Variants in MACROD2 observed in about 807,000 individuals in gnomAD.
MACROD2 encodes mono-ADP ribosylhydrolase 2, also known as ADP-ribose glycohydrolase MACROD2.
In MACROD2, 36 loss-of-function variants were observed where a neutral mutation model predicts 70.4. The ratio of observed to expected loss-of-function variants is 0.51; its 90% CI spans 0.39 to 0.68. MACROD2 has a LOEUF of 0.68. MACROD2 is among the 30% of genes least tolerant of loss of function. The probability of loss-of-function intolerance (pLI) is 0.00; values close to 1 mark genes in which losing one functional copy is unlikely to be tolerated. For synonymous variants in MACROD2, 172 were observed against 178.8 expected (o/e 0.96, Z 0.30); for missense variants, 496 against 538.4 (o/e 0.92, Z 0.78).
intron 4 of MACROD2, among the ~76,000 whole-genome samples, chr20:14,534,962 T>C (rs1054226915): frequency 6.6e-6 from 1 of 152,148 alleles, no homozygotes. Flanking sequence ...TTAGGGACAA[T>C]AGATGAAAGA....
At chr20:14,629,147 T>TTGTGTGTGTGTGTGTGTGG (rs1984363280) in intron 4 of MACROD2, among the ~76,000 whole-genome samples, 1 of 150,806 alleles carries the variant, frequency 6.6e-6, no homozygotes, top group African/African-American at 2.4e-5. Context: ...TAGAGGACTT[T>TTGTGTGTGTGTGTGTGTGG]TGTGTGTGTG....
At chr20:14,240,141 C>T (rs1039215113) in intron 3 of MACROD2, among the ~76,000 whole-genome samples, 1 of 152,062 alleles carries the variant, frequency 6.6e-6, no homozygotes, top group Non-Finnish European at 1.5e-5. Context: ...AATGAGATAC[C>T]ATCTTATACC....
intron 8 of MACROD2, among the ~76,000 whole-genome samples, chr20:15,625,847 C>T (rs185243889): frequency 1.0e-4 from 15 of 143,440 alleles, no homozygotes; most frequent in South Asian, 2.2e-4. Context: ...CTCTCCTTAC[C>T]GCTTTGAGCA....
At chr20:15,134,201 G>A (rs372342222) in intron 5 of MACROD2, among the ~76,000 whole-genome samples, 11 of 140,976 alleles carry the variant, frequency 7.8e-5, no homozygotes, top group Non-Finnish European at 1.5e-4. Context: ...CACCGTGCCC[G>A]GCTCTTTTAA....
intron 4 of MACROD2, among the ~76,000 whole-genome samples, chr20:14,555,729 T>C (rs77172257): frequency 0.11 from 16,106 of 152,084 alleles, 1,275 homozygotes; most frequent in South Asian, 0.33. Flanking sequence ...ATGGACACTT[T>C]CTGTTAGGTA....
chr20:15,607,692 C>T (rs2048913065), intron 8 of MACROD2, among the ~76,000 whole-genome samples: 1 of 152,154 alleles, frequency 6.6e-6, no homozygotes, highest in African/African-American at 2.4e-5. Context: ...CACCACCACA[C>T]CCGGATAATT....
At chr20:15,773,345 A>T (rs1392938401) in intron 8 of MACROD2, among the ~76,000 whole-genome samples, 1 of 152,040 alleles carries the variant, frequency 6.6e-6, no homozygotes, top group Non-Finnish European at 1.5e-5. Flanking sequence ...TTTAGAACAT[A>T]TTCTTTAAAA....
chr20:15,316,552 C>T (rs74355544), intron 6 of MACROD2, among the ~76,000 whole-genome samples: 5,354 of 152,096 alleles, frequency 0.035, 126 homozygotes, highest in South Asian at 0.086. Flanking sequence ...ATGAAGCAAA[C>T]ACTGATGGAC....
intron 6 of MACROD2, among the ~76,000 whole-genome samples, chr20:15,256,261 G>A (rs891471238): frequency 6.6e-6 from 1 of 152,024 alleles, no homozygotes; most frequent in African/African-American, 2.4e-5. Flanking sequence ...AATTTAAAAA[G>A]TGATGCTGTT....
chr20:15,431,429 A>G lies in MACROD2; in HGVS notation c.565A>G (p.Ile189Val), dbSNP rs778890380. 3 of 1,611,222 alleles carry G rather than the reference A, an allele frequency of 1.9e-6. No homozygotes were observed. Among genetic ancestry groups the G allele is most frequent in the Non-Finnish European group, 2.5e-6 (3 of 1,178,046 alleles). The part of the protein sequence containing the change: ...SVAFPCISTG[I>V]YGFPNEPAAV... ...GGCATTTCCCTGCATCTCAACAGGC[A>G]TTTATGGTAAGTGATACAGCTTTTG... is the stretch of plus-strand genomic sequence containing the variant. The change falls in exon 7 of 18, where the codon ATT (isoleucine) becomes GTT (valine). Residue 189 changes from isoleucine to valine, a missense_variant. Physicochemically the swap from Ile to Val is conservative, Grantham distance 29. Transcript: ENST00000684519.
chr20:14,461,197 T>C (rs539261867), intron 3 of MACROD2, among the ~76,000 whole-genome samples: 94 of 152,212 alleles, frequency 6.2e-4, no homozygotes, highest in African/African-American at 2.1e-3. Context: ...TTCCAGATTT[T>C]CTAGTTTATT....
At chr20:14,867,723 C>T (rs1341596565) in intron 5 of MACROD2, among the ~76,000 whole-genome samples, 1 of 152,106 alleles carries the variant, frequency 6.6e-6, no homozygotes, top group African/African-American at 2.4e-5. Context: ...CCACCATTGT[C>T]CTTTCTAGAC....
At chr20:15,433,768 G>A (rs2046393881) in intron 7 of MACROD2, among the ~76,000 whole-genome samples, 1 of 147,280 alleles carries the variant, frequency 6.8e-6, no homozygotes, top group Non-Finnish European at 1.5e-5. Context: ...AAAAAATCTG[G>A]AGGCATGACA....
chr20:14,227,659 C>T (rs1490163957), intron 3 of MACROD2, among the ~76,000 whole-genome samples: 1 of 152,258 alleles, frequency 6.6e-6, no homozygotes, highest in Non-Finnish European at 1.5e-5. Context: ...CGGCTTCATT[C>T]TTGAAGTCAG....
chr20:15,849,089 C>T (rs1178372972), intron 8 of MACROD2, among the ~76,000 whole-genome samples: 1 of 152,164 alleles, frequency 6.6e-6, no homozygotes, highest in African/African-American at 2.4e-5. Context: ...ATAGGAGAGG[C>T]ACAGATGTAA....
intron 6 of MACROD2, among the ~76,000 whole-genome samples, chr20:15,419,705 G>C (rs896645338): frequency 6.6e-6 from 1 of 152,100 alleles, no homozygotes; most frequent in African/African-American, 2.4e-5. Context: ...AATTTTCCTC[G>C]GGCTCTGCAC....
intron 8 of MACROD2, among the ~76,000 whole-genome samples, chr20:15,819,572 G>A (rs550298954): frequency 1.3e-4 from 19 of 149,838 alleles, no homozygotes; most frequent in Non-Finnish European, 2.8e-4. Context: ...ACACACAATG[G>A]AATATTATTT....
At chr20:14,293,704 C>G (rs2082404079) in intron 3 of MACROD2, among the ~76,000 whole-genome samples, 1 of 151,854 alleles carries the variant, frequency 6.6e-6, no homozygotes. Context: ...TTTAAGGCAG[C>G]ATTTTGGCAG....
chr20:14,091,025 G>A (rs1040001246), intron 3 of MACROD2, among the ~76,000 whole-genome samples: 2 of 152,024 alleles, frequency 1.3e-5, no homozygotes, highest in African/African-American at 2.4e-5. Context: ...TCATGTACTT[G>A]TTGGTCATTT....
Sources: gnomAD v4.1 joint callset for allele counts (sites outside exome capture counted in the v4.1 genomes callset) on GRCh38, gnomAD v4.1.1 for gene constraint, MANE v1.5 for transcripts, NCBI Gene and HGNC (gene_info 2026-07-23, HGNC 2026-07-21) for gene names.